The following GPHN variants were observed in gnomAD, a reference collection of about 807,000 sequenced individuals.
GPHN encodes gephyrin.
A neutral mutation model predicts 95.5 loss-of-function variants in GPHN; 17 were observed. That is an observed-to-expected ratio of 0.18 (90% confidence interval 0.12 to 0.27). GPHN has a LOEUF of 0.27. Among genes scored for constraint, GPHN ranks in the 10% least tolerant of loss-of-function variants. GPHN has a pLI of 1.00. For synonymous variants in GPHN, 320 were observed against 322.5 expected, an observed-to-expected ratio of 0.99 and a Z score of 0.08; for missense variants, 660 against 978.1, an observed-to-expected ratio of 0.67 and a Z score of 4.34.
At chr14:67,218,431 A>G in the GPHN span, among the ~76,000 whole-genome samples, 8 of 152,266 alleles carry the variant, frequency 5.3e-5, no homozygotes, top group African/African-American at 1.9e-4. Context: ...TGGCTGACTC[A>G]GGGACGTGCT....
intron 2 of GPHN, among the ~76,000 whole-genome samples, chr14:66,714,834 T>A (rs559367201): frequency 1.3e-5 from 2 of 152,218 alleles, no homozygotes; most frequent in Non-Finnish European, 2.9e-5. Flanking sequence ...ACCCACTTGA[T>A]CATGGTGGAT....
At chr14:67,243,744 C>T in the GPHN span, among the ~76,000 whole-genome samples, 2,986 of 152,172 alleles carry the variant, frequency 0.02, 41 homozygotes, top group Middle Eastern at 0.034. Context: ...GATCCGCCCG[C>T]CTCGCCCTCC....
At chr14:66,905,328 T>G (rs974496347) in intron 5 of GPHN, among the ~76,000 whole-genome samples, 1 of 152,152 alleles carries the variant, frequency 6.6e-6, no homozygotes, top group Admixed American at 6.6e-5. Flanking sequence ...TGAATTGCTT[T>G]TCTGTGTTAC....
In GPHN at chr14:66,645,082, G is replaced by A. The variant is rs76917996; in HGVS notation, c.65-36025G>A. Among the ~76,000 whole-genome samples the A allele has an allele frequency of 7.3e-3, 1,108 of 152,088 alleles. 7 individuals carry two copies. The highest frequency in any genetic ancestry group is 0.025 in the African/African-American group (1,058 of 41,506). On this transcript the variant is annotated intron_variant, in intron 1 of 22. Transcript: ENST00000478722. ...GGTTGTTCTGTAGCTTTTTGTAGTA[G>A]TATATTTGTATGTAATGAAGTGCAT...
the GPHN span, among the ~76,000 whole-genome samples, chr14:67,611,645 A>C: frequency 6.6e-6 from 1 of 152,306 alleles, no homozygotes; most frequent in East Asian, 1.9e-4. Context: ...AAAACAACCA[A>C]TTGGAAAAAC....
chr14:67,695,382 CAAAAG>C, the GPHN span, among the ~76,000 whole-genome samples: 1 of 152,114 alleles, frequency 6.6e-6, no homozygotes, highest in African/African-American at 2.4e-5. Flanking sequence ...GGTGCTTAGA[CAAAAG>C]AAAAACAGGC....
the GPHN span, chr14:67,615,696 C>A: frequency 2.0e-6 from 1 of 489,328 alleles, no homozygotes; most frequent in Non-Finnish European, 4.0e-6. Context: ...AGGCCCGTTA[C>A]GAAAGAGAAA....
At chr14:67,499,932 G>A in the GPHN span, among the ~76,000 whole-genome samples, 1 of 152,182 alleles carries the variant, frequency 6.6e-6, no homozygotes, top group Non-Finnish European at 1.5e-5. Flanking sequence ...GGATTAAGGA[G>A]GGGAGTGGTC....
At chr14:67,221,806 A>C in the GPHN span, 6 of 1,613,030 alleles carry the variant, frequency 3.7e-6, no homozygotes, top group Non-Finnish European at 5.1e-6. Context: ...CAAACACTTC[A>C]GGTATGGAAC....
chr14:66,672,483 T>A (rs187237507), intron 1 of GPHN, among the ~76,000 whole-genome samples: 1 of 152,320 alleles, frequency 6.6e-6, no homozygotes, highest in Admixed American at 6.5e-5. Flanking sequence ...TTGTGAGATT[T>A]GTTCATTTAT....
At chr14:67,390,764 TTCAAAGC>T in the GPHN span, 4 of 1,566,110 alleles carry the variant, frequency 2.6e-6, no homozygotes, top group Non-Finnish European at 3.5e-6. Context: ...AAAGAAATGG[TTCAAAGC>T]TCATTGGTGA....
At chr14:67,390,338 GTC>G in the GPHN span, among the ~76,000 whole-genome samples, 2 of 152,202 alleles carry the variant, frequency 1.3e-5, no homozygotes, top group African/African-American at 4.8e-5. Context: ...GCCAGTAGGA[GTC>G]TCTGTCAGCC....
downstream of GPHN, among the ~76,000 whole-genome samples, chr14:67,184,893 G>C (rs142124795): frequency 6.9e-4 from 105 of 152,248 alleles, 1 homozygote; most frequent in East Asian, 7.4e-3. Flanking sequence ...ATGGCATGAG[G>C]GGAAAAACAG....
At chr14:67,280,832 C>A in the GPHN span, among the ~76,000 whole-genome samples, 1 of 131,746 alleles carries the variant, frequency 7.6e-6, no homozygotes, top group African/African-American at 3.2e-5. Flanking sequence ...TCCTTCCTTC[C>A]TTCCTTCCTT....
chr14:67,034,128 AAC>A (rs2074309704), intron 10 of GPHN, among the ~76,000 whole-genome samples: 1 of 152,196 alleles, frequency 6.6e-6, no homozygotes, highest in Non-Finnish European at 1.5e-5. Flanking sequence ...GTTTATGAAA[AAC>A]ACAAAGCTCA....
At chr14:67,200,657 G>T in the GPHN span, 1 of 165,284 alleles carries the variant, frequency 6.1e-6, no homozygotes, top group East Asian at 1.9e-4. Context: ...GGCAGGAGGT[G>T]AAACCTCCCA....
At chr14:67,236,830 G>A in the GPHN span, among the ~76,000 whole-genome samples, 2 of 151,980 alleles carry the variant, frequency 1.3e-5, no homozygotes, top group African/African-American at 4.8e-5. Flanking sequence ...GCTCATGCCT[G>A]TAATCCCAGC....
At chr14:67,605,420 A>C in the GPHN span, among the ~76,000 whole-genome samples, 1 of 152,158 alleles carries the variant, frequency 6.6e-6, no homozygotes, top group Admixed American at 6.5e-5. Flanking sequence ...CATTGGCACA[A>C]ATATCAGCTC....
chr14:66,875,595 G>A (rs973386772), intron 4 of GPHN, among the ~76,000 whole-genome samples: 1 of 152,080 alleles, frequency 6.6e-6, no homozygotes, highest in African/African-American at 2.4e-5. Context: ...AAAAAAAGCA[G>A]GGGTTGCAAT....
Sources: gnomAD v4.1 joint callset for allele counts (sites outside exome capture counted in the v4.1 genomes callset) on GRCh38, gnomAD v4.1.1 for gene constraint, MANE v1.5 for transcripts, NCBI Gene and HGNC (gene_info 2026-07-23, HGNC 2026-07-21) for gene names.